Variants in SPINK5 observed in about 807,000 individuals in gnomAD.
SPINK5 encodes serine peptidase inhibitor Kazal type 5, also known as serine protease inhibitor Kazal-type 5.
SPINK5 carries 125 observed loss-of-function variants against 151.8 expected under a neutral mutation model. That is an observed-to-expected ratio of 0.82 (90% CI 0.71 to 0.96). The LOEUF (loss-of-function observed/expected upper bound fraction) is 0.96. Ranked by LOEUF, SPINK5 falls within the 40% of genes least tolerant of loss-of-function variation. SPINK5 has a pLI of 0.00. For synonymous variants in SPINK5, 374 were observed against 395.3 expected (o/e 0.95, Z 0.64); for missense variants, 1,194 against 1,291.9 (o/e 0.92, Z 1.16).
chr5:148,134,128 GA>G, intron 32 of SPINK5: 1 of 548,228 alleles, frequency 1.8e-6, no homozygotes. Flanking sequence ...GATTGTTTAT[GA>G]GCAATGTCTC....
intron 15 of SPINK5, among the ~76,000 whole-genome samples, chr5:148,103,289 C>T (rs1316752430): frequency 6.6e-6 from 1 of 151,912 alleles, no homozygotes; most frequent in Non-Finnish European, 1.5e-5. Flanking sequence ...AAAGCAAGAA[C>T]AAAAAACAAA....
intron 8 of SPINK5, among the ~76,000 whole-genome samples, chr5:148,093,481 A>G (rs1753368609): frequency 6.6e-6 from 1 of 151,924 alleles, no homozygotes; most frequent in Non-Finnish European, 1.5e-5. Flanking sequence ...TATTATGGAT[A>G]AAGAAGGCAG....
intron 5 of SPINK5, 24 bp downstream of exon 5, chr5:148,086,556 T>C (rs1753159931): frequency 6.2e-7 from 1 of 1,609,054 alleles, no homozygotes; most frequent in Non-Finnish European, 8.5e-7. Flanking sequence ...GAAGTAGGCT[T>C]TCTCCCTAAA....
Position 148,127,094 on chromosome 5 carries a change from T to A in SPINK5, c.2964+15T>A. On this transcript the variant is annotated intron_variant, in intron 30 of 32. Transcript: ENST00000256084. ...TCAGTTCTCTGGTAAGGAGGACTATTTCTGAAAAGCTACTTATCAATTTAA... is the reference window on the plus strand; with the variant it reads ...TCAGTTCTCTGGTAAGGAGGACTATATCTGAAAAGCTACTTATCAATTTAA... The A allele has an allele frequency of 6.3e-7, 1 of 1,596,878 alleles. No individual in the cohort carries two copies. Among genetic ancestry groups the A allele is most frequent in the Non-Finnish European group, 8.6e-7 (1 of 1,165,942 alleles).
chr5:148,086,068 C>T lies in SPINK5; in HGVS notation c.283-337C>T, dbSNP rs1363725. Among the ~76,000 whole-genome samples the T allele has an allele frequency of 0.5, 75,016 of 151,254 alleles. 19,031 individuals carry two copies. Among genetic ancestry groups the T allele is most frequent in the Admixed American group, 0.61 (9,232 of 15,160 alleles). On this transcript the variant is annotated intron_variant, in intron 4 of 32. Coordinates refer to ENST00000256084, the MANE Select transcript of SPINK5 (RefSeq NM_006846.4). ...ATAGTTTACTTAGAGCTTTCATATC[C>T]GTAATCTACTGGGCCTCACTACTAC...
chr5:148,120,952 G>A (rs979574576), intron 26 of SPINK5, among the ~76,000 whole-genome samples: 4 of 151,778 alleles, frequency 2.6e-5, no homozygotes, highest in Non-Finnish European at 4.4e-5. Flanking sequence ...AGACCATCCT[G>A]GCTAGCACGG....
At chr5:148,099,453 A>G (rs1056640768) in intron 12 of SPINK5, 138 bp downstream of exon 12, 3 of 690,610 alleles carry the variant, frequency 4.3e-6, no homozygotes, top group African/African-American at 3.7e-5. Flanking sequence ...ATTGAGATGA[A>G]TTATATGGGA....
chr5:148,136,435 A>G (rs921375156), intron 32 of SPINK5, among the ~76,000 whole-genome samples: 12 of 152,106 alleles, frequency 7.9e-5, no homozygotes, highest in African/African-American at 2.7e-4. Context: ...GAAGATGTGC[A>G]GTTATGTGAA....
chr5:148,066,253 A>G (rs1225535263), intron 2 of SPINK5, among the ~76,000 whole-genome samples: 1 of 152,160 alleles, frequency 6.6e-6, no homozygotes, highest in Admixed American at 6.6e-5. Flanking sequence ...TTCTACTAGA[A>G]GTTAAATTTT....
chr5:148,134,874 C>T (rs1205911239), intron 32 of SPINK5, among the ~76,000 whole-genome samples: 1 of 151,790 alleles, frequency 6.6e-6, no homozygotes, highest in East Asian at 1.9e-4. Flanking sequence ...ATAATGGAAT[C>T]AGAAACTATT....
At chr5:148,086,089 A>G (rs1267056641) in intron 4 of SPINK5, among the ~76,000 whole-genome samples, 2 of 151,846 alleles carry the variant, frequency 1.3e-5, no homozygotes, top group Non-Finnish European at 2.9e-5. Flanking sequence ...GGGCCTCACT[A>G]CTACTCTGTG....
intron 23 of SPINK5, among the ~76,000 whole-genome samples, 157 bp downstream of exon 23, chr5:148,118,721 T>A (rs1159070483): frequency 6.6e-6 from 1 of 152,208 alleles, no homozygotes; most frequent in Non-Finnish European, 1.5e-5. Context: ...TAAGGAACAA[T>A]GAGCCTTAGC....
At chr5:148,095,723 C>A in intron 9 of SPINK5, 95 bp from the exon 10 acceptor site, 1 of 1,076,190 alleles carries the variant, frequency 9.3e-7, no homozygotes, top group Non-Finnish European at 1.4e-6. Flanking sequence ...TACTAAAACT[C>A]AGGACAACTT....
intron 1 of SPINK5, 56 bp downstream of exon 1, chr5:148,064,155 A>T (rs1752515406): frequency 6.2e-7 from 1 of 1,606,388 alleles, no homozygotes; most frequent in Admixed American, 1.7e-5. Flanking sequence ...AGCCCTGGGG[A>T]AGGGACTTTT....
At chr5:148,087,943 T>G (rs71580480) in intron 5 of SPINK5, among the ~76,000 whole-genome samples, 3 of 151,834 alleles carry the variant, frequency 2.0e-5, no homozygotes, top group Admixed American at 1.3e-4. Flanking sequence ...CTTTATATTG[T>G]TTTTACTAAA....
chr5:148,099,449 A>G, intron 12 of SPINK5, 134 bp downstream of exon 12: 1 of 698,094 alleles, frequency 1.4e-6, no homozygotes, highest in South Asian at 1.7e-5. Flanking sequence ...TGGTATTGAG[A>G]TGAATTATAT....
At position 148,112,904 on chromosome 5, in the gene SPINK5, C is replaced by G; in HGVS notation, c.1857C>G (p.Pro619=). The G allele has an allele frequency of 6.2e-7, 1 of 1,613,794 alleles. No homozygotes were observed. The highest frequency in any genetic ancestry group is 8.5e-7 in the Non-Finnish European group (1 of 1,179,878). Residue 619 remains proline, a synonymous_variant, in exon 20 of 33, where the codon CCC becomes CCG. Coordinates refer to ENST00000256084, the MANE Select transcript of SPINK5 (RefSeq NM_006846.4). ...CAAAAGAAAAAGAAAGAGCTGAACC[C>G]AGAGCAAAAGTCAAAAGAGAAGCTG... ...QEAKEKERAE[P]RAKVKREAEK...
At chr5:148,124,867 A>G in intron 28 of SPINK5, 30 bp downstream of exon 28, 2 of 1,555,726 alleles carry the variant, frequency 1.3e-6, no homozygotes, top group Non-Finnish European at 1.7e-6. Flanking sequence ...CAAAATAACC[A>G]TTTTACTTTT....
At chr5:148,083,593 C>T (rs1292392067) in intron 4 of SPINK5, among the ~76,000 whole-genome samples, 2 of 151,396 alleles carry the variant, frequency 1.3e-5, no homozygotes, top group African/African-American at 2.4e-5. Context: ...ATATCTGTGT[C>T]TATTGTCAAT....
Sources: allele counts gnomAD v4.1 joint callset (sites outside exome capture counted in the v4.1 genomes callset), GRCh38; gene constraint gnomAD v4.1.1; transcripts MANE v1.5; gene names NCBI Gene and HGNC (gene_info 2026-07-23, HGNC 2026-07-21).